HBS1L: variants seen among roughly 807,000 people sequenced by gnomAD.
HBS1L encodes the protein HBS1-like protein.
Under a neutral mutation model 88.9 loss-of-function variants are expected in HBS1L, and 55 were observed. The ratio of observed to expected loss-of-function variants is 0.62; its 90% CI spans 0.50 to 0.77. The LOEUF (loss-of-function observed/expected upper bound fraction) is 0.77, where lower values mean the gene tolerates loss of function less well. HBS1L is among the 30% of genes least tolerant of loss of function. HBS1L has a pLI of 0.00. For synonymous variants in HBS1L, 267 were observed against 288.5 expected (o/e 0.93, Z 0.76); for missense variants, 741 against 829.3 (o/e 0.89, Z 1.31).
intron 16 of HBS1L, among the ~76,000 whole-genome samples, chr6:134,967,655 T>C (rs1231456721): frequency 1.3e-5 from 2 of 152,166 alleles, no homozygotes; most frequent in South Asian, 2.1e-4. Context: ...CAGGATTATA[T>C]ATGATGAGCC....
Position 135,005,680 on chromosome 6 carries a change from C to T in HBS1L, c.431-2838G>A, listed in dbSNP as rs1000472007. Among the ~76,000 whole-genome samples the T allele has an allele frequency of 1.6e-4, 25 of 152,056 alleles. 1 individual carries two copies. The highest frequency in any genetic ancestry group is 3.9e-4 in the East Asian group (2 of 5,194). ...GGAGAAGGTTTAGTTGAATAAATTACGAAGAGATCATCAATATTTTAGAGT... is the reference window on the plus strand; with the variant it reads ...GGAGAAGGTTTAGTTGAATAAATTATGAAGAGATCATCAATATTTTAGAGT... On this transcript the variant is annotated intron_variant, in intron 4 of 17. Coordinates refer to ENST00000367837, the MANE Select transcript of HBS1L (RefSeq NM_006620.4).
intron 15 of HBS1L, among the ~76,000 whole-genome samples, chr6:134,974,597 G>A (rs780018307): frequency 5.3e-5 from 8 of 151,944 alleles, no homozygotes; most frequent in Non-Finnish European, 1.2e-4. Flanking sequence ...ATGCAGGAAT[G>A]GTTCAGCATA....
chr6:135,021,732 C>T (rs1039827966), intron 4 of HBS1L, among the ~76,000 whole-genome samples: 3 of 152,124 alleles, frequency 2.0e-5, no homozygotes, highest in Non-Finnish European at 4.4e-5. Context: ...GAAAAGGGCA[C>T]TGGAGATTCA....
intron 15 of HBS1L, among the ~76,000 whole-genome samples, chr6:134,973,841 A>T (rs1320420067): frequency 2.6e-5 from 4 of 151,750 alleles, no homozygotes; most frequent in Non-Finnish European, 5.9e-5. Flanking sequence ...ATCTCAAGAA[A>T]AAAAAAAAAA....
intron 4 of HBS1L, among the ~76,000 whole-genome samples, chr6:135,006,087 G>A (rs992647736): frequency 2.0e-5 from 3 of 152,022 alleles, no homozygotes; most frequent in African/African-American, 4.8e-5. Context: ...AGCCATTCAC[G>A]AAAAAGGCAC....
At chr6:134,992,852 T>G (rs1253125307) in intron 8 of HBS1L, among the ~76,000 whole-genome samples, 1 of 152,206 alleles carries the variant, frequency 6.6e-6, no homozygotes, top group Non-Finnish European at 1.5e-5. Flanking sequence ...GTTTGTAAAG[T>G]ATACAGTCGT....
At chr6:135,028,231 A>C (rs1390224834) in intron 4 of HBS1L, among the ~76,000 whole-genome samples, 3 of 151,116 alleles carry the variant, frequency 2.0e-5, no homozygotes, top group Non-Finnish European at 4.4e-5. Context: ...TGGAACCAAA[A>C]TTTAGGGAAG....
chr6:134,975,672 C>CAATGGATGGTGCTGGGAA (rs1350639535), intron 15 of HBS1L, among the ~76,000 whole-genome samples: 2 of 152,054 alleles, frequency 1.3e-5, no homozygotes, highest in African/African-American at 2.4e-5. Context: ...ACACCCTATT[C>CAATGGATGGTGCTGGGAA]AATGGATGGT....
intron 7 of HBS1L, 38 bp downstream of exon 7, chr6:134,996,739 A>ATGATT (rs1775298786): frequency 1.4e-6 from 2 of 1,479,062 alleles, no homozygotes; most frequent in East Asian, 4.7e-5. Context: ...AGAAGACTGT[A>ATGATT]TGATTTCAAA....
intron 4 of HBS1L, chr6:135,037,778 G>A (rs9373121): frequency 0.14 from 210,601 of 1,548,704 alleles, 16,452 homozygotes; most frequent in South Asian, 0.27. Flanking sequence ...TCATGAATTA[G>A]GTTAGCTAGT....
intron 8 of HBS1L, among the ~76,000 whole-genome samples, chr6:134,993,455 C>T (rs1775202339): frequency 6.6e-6 from 1 of 152,076 alleles, no homozygotes; most frequent in African/African-American, 2.4e-5. Context: ...CTCAGGCCAA[C>T]TTATCAATAA....
At position 134,966,426 on chromosome 6, in the gene HBS1L, CTT is replaced by C; in HGVS notation, c.1944_1945del (p.Arg649ThrfsTer5). On this transcript the variant is annotated frameshift_variant, in exon 17 of 18. Coordinates refer to ENST00000367837, the MANE Select transcript of HBS1L (RefSeq NM_006620.4). LOFTEE classifies it high-confidence loss of function. ...TTTATATAGCTCAAGAGCTATTGGT[CTT>C]TGTGTCTGTAGCTCTACCAATGCAT... 6.2e-7 allele frequency: 1 copy of C among 1,611,592 alleles called. No homozygotes were observed. The highest frequency in any genetic ancestry group is 8.5e-7 in the Non-Finnish European group (1 of 1,178,326).
At chr6:135,044,955 G>A (rs780345662) in intron 2 of HBS1L, among the ~76,000 whole-genome samples, 1 of 152,058 alleles carries the variant, frequency 6.6e-6, no homozygotes. Flanking sequence ...TGGTGGGGTC[G>A]AGGGTGGTCC....
chr6:135,013,954 T>C (rs1775844726), intron 4 of HBS1L, among the ~76,000 whole-genome samples: 1 of 152,186 alleles, frequency 6.6e-6, no homozygotes, highest in South Asian at 2.1e-4. Flanking sequence ...GCATAGGTTA[T>C]ATGCAAATAC....
rs1191414741 is a variant in HBS1L at position 135,002,730 on chromosome 6, T to C, written c.539+4A>G. Reference sequence around the variant, plus strand: ...GGGGATGAGGGAGGTACTCAAAGTCTTACCCAGGCACTTCAAATCCCATAG... The same window carrying C: ...GGGGATGAGGGAGGTACTCAAAGTCCTACCCAGGCACTTCAAATCCCATAG... On this transcript the variant is annotated splice_donor_region_variant and intron_variant, in intron 5 of 17. Transcript: ENST00000367837. The C allele has an allele frequency of 1.3e-6, 2 of 1,589,486 alleles. No individual in the cohort carries two copies. Among genetic ancestry groups the C allele is most frequent in the Non-Finnish European group, 1.7e-6 (2 of 1,158,028 alleles).
chr6:135,013,605 T>G (rs1775834765), intron 4 of HBS1L, among the ~76,000 whole-genome samples: 1 of 152,182 alleles, frequency 6.6e-6, no homozygotes, highest in South Asian at 2.1e-4. Context: ...GAAAATGGAT[T>G]GTGGAGGCAA....
At chr6:134,999,576 T>A (rs1274163570) in intron 5 of HBS1L, among the ~76,000 whole-genome samples, 2 of 150,856 alleles carry the variant, frequency 1.3e-5, no homozygotes, top group Non-Finnish European at 2.9e-5. Context: ...GCCTACTGAG[T>A]AGCTGGGATT....
rs775157718 is a variant in HBS1L, at chr6:134,997,593, A to G, written c.603T>C (p.Asp201=). Residue 201 remains aspartate (D), a synonymous_variant, in exon 6 of 18, where the codon GAT becomes GAC. Transcript: ENST00000367837. The part of the protein sequence containing the change: ...HTPQKGPPIE[D]AIASSDVLET... ...CAAGAACATCGGAAGAAGCAATGGC[A>G]TCTTCAATGGGCGGTCCTTTTTGAG... is the stretch of plus-strand genomic sequence containing the variant. 2 of 1,613,336 alleles carry G rather than the reference A, an allele frequency of 1.2e-6. No individual in the cohort carries two copies. The highest frequency in any genetic ancestry group is 2.2e-5 in the South Asian group (2 of 91,068).
intron 4 of HBS1L, among the ~76,000 whole-genome samples, chr6:135,027,922 A>G (rs147435232): frequency 6.6e-6 from 1 of 151,702 alleles, no homozygotes; most frequent in Non-Finnish European, 1.5e-5. Context: ...GTGCCACCAC[A>G]CTCGACTAAT....
Sources: gnomAD v4.1 joint callset for allele counts (sites outside exome capture counted in the v4.1 genomes callset) on GRCh38, gnomAD v4.1.1 for gene constraint, MANE v1.5 for transcripts, NCBI Gene and HGNC (gene_info 2026-07-23, HGNC 2026-07-21) for gene names.